Variants in IKZF5 observed in about 807,000 individuals in gnomAD.
The protein encoded by IKZF5 is IKAROS family zinc finger 5, also known as zinc finger protein Pegasus.
Under a neutral mutation model 30.7 loss-of-function variants are expected in IKZF5, and 4 were observed. The ratio of observed to expected loss-of-function variants is 0.13; its 90% CI spans 0.06 to 0.30. IKZF5 has a LOEUF of 0.30. IKZF5 is among the 10% of genes least tolerant of loss of function. IKZF5 has a pLI of 1.00. For synonymous variants in IKZF5, 148 were observed against 179.6 expected (o/e 0.82, Z 1.41); for missense variants, 348 against 525.5 (o/e 0.66, Z 3.30).
intron 3 of IKZF5, 50 bp from the exon 4 acceptor site, chr10:122,996,226 A>G (rs747605796): frequency 6.7e-6 from 10 of 1,496,706 alleles, no homozygotes; most frequent in African/African-American, 1.4e-5. Flanking sequence ...AATCAACTCA[A>G]TTTAGCATTT....
intron 2 of IKZF5, among the ~76,000 whole-genome samples, chr10:122,999,168 T>C (rs1167498112): frequency 6.6e-6 from 1 of 152,200 alleles, no homozygotes; most frequent in Non-Finnish European, 1.5e-5. Context: ...GACTCCAACC[T>C]GGTTGACAAA....
rs201605920 is a variant in IKZF5, at chr10:123,005,145, AT to A, written c.-47+1880del. Among the ~76,000 whole-genome samples the A allele has an allele frequency of 9.7e-3, 1,480 of 152,022 alleles. 18 individuals are homozygous for A. The highest frequency in any genetic ancestry group is 0.032 in the African/African-American group (1,307 of 41,474). ...CTCTAATTTTTAAAAGAAAAAAAAA[AT>A]TTCTGGAACTACAAAAGACTTCCTC... is the stretch of plus-strand genomic sequence containing the variant. On this transcript the variant is annotated intron_variant, in intron 2 of 4. Transcript: ENST00000368886.
In IKZF5 at chr10:122,994,602, G is replaced by A; in HGVS notation, c.438C>T (p.Arg146=). The change falls in exon 5 of 5, where the codon CGC becomes CGT. Residue 146 remains arginine, a synonymous_variant. Coordinates refer to ENST00000368886, the MANE Select transcript of IKZF5 (RefSeq NM_001372123.1). This position sits in a 1 kb window ranked among gnomAD's most constrained non-coding sequence, Gnocchi z 5.6. ...KPYKCELCSF[R]CSDRSNLSHH... is the part of the protein sequence containing the mutation. The stretch of plus-strand genomic sequence containing the variant: ...GGGACAAGTTACTTCGATCACTGCA[G>A]CGGAAGGAACATAATTCACATTTGT... The A allele has an allele frequency of 1.2e-6, 2 of 1,614,166 alleles. No homozygotes were observed. Among genetic ancestry groups the A allele is most frequent in the Non-Finnish European group, 1.7e-6 (2 of 1,180,036 alleles).
intron 2 of IKZF5, among the ~76,000 whole-genome samples, chr10:123,001,951 C>T (rs1272274094): frequency 6.6e-6 from 1 of 152,196 alleles, no homozygotes; most frequent in African/African-American, 2.4e-5. Flanking sequence ...TGGAAATAGA[C>T]CAACATTTGA....
chr10:123,001,548 A>T (rs73371593), intron 2 of IKZF5, among the ~76,000 whole-genome samples: 1 of 152,072 alleles, frequency 6.6e-6, no homozygotes, highest in African/African-American at 2.4e-5. Context: ...TTTTTTCCAA[A>T]GAGATATCCA....
chr10:122,998,395 T>C, intron 3 of IKZF5, 98 bp downstream of exon 3: 4 of 1,017,706 alleles, frequency 3.9e-6, no homozygotes, highest in Non-Finnish European at 4.2e-6. Flanking sequence ...AACAGAATGA[T>C]TCACATTAAT....
At chr10:123,001,014 C>CTTTTTTTTTT (rs1359372875) in intron 2 of IKZF5, among the ~76,000 whole-genome samples, 1 of 140,914 alleles carries the variant, frequency 7.1e-6, no homozygotes, top group Non-Finnish European at 1.5e-5. Flanking sequence ...CTTTTCTTTT[C>CTTTTTTTTTT]TTTTTTTTTT....
chr10:123,006,844 T>G (rs971987839), intron 2 of IKZF5, among the ~76,000 whole-genome samples, 182 bp downstream of exon 2: 1 of 152,198 alleles, frequency 6.6e-6, no homozygotes, highest in Non-Finnish European at 1.5e-5. Context: ...TTGGTTTCTA[T>G]GGAGTAACAT....
rs12776141 is a variant in IKZF5 at position 122,994,972 on chromosome 10, G to A, written c.317-249C>T. The A allele has an allele frequency of 0.078, 32,507 of 416,054 alleles. 1,500 individuals carry two copies. The highest frequency in any genetic ancestry group is 0.15 in the Middle Eastern group (237 of 1,610). 25.8% of individuals were successfully genotyped at this position (416,054 alleles called of 1,614,324 possible). A position where few individuals can be genotyped will look rare whatever the true frequency, so the allele number is the denominator to read the frequency against. ...TATTAGTCAATACAGTATAAAAACTGTTATGGCTTCGAATGCATTTAGAGA... is the reference window on the plus strand; with the variant it reads ...TATTAGTCAATACAGTATAAAAACTATTATGGCTTCGAATGCATTTAGAGA... On this transcript the variant is annotated intron_variant, in intron 4 of 4. Coordinates refer to ENST00000368886, the MANE Select transcript of IKZF5 (RefSeq NM_001372123.1). This position sits in a 1 kb window ranked among gnomAD's most constrained non-coding sequence, Gnocchi z 5.6.
Position 122,991,986 on chromosome 10 carries a change from C to T in IKZF5, c.*1794G>A, listed in dbSNP as rs1849177941. 1 of 152,148 alleles carries T rather than the reference C, an allele frequency of 6.6e-6. No individual in the cohort carries two copies. Among genetic ancestry groups the T allele is most frequent in the African/African-American group, 2.4e-5 (1 of 41,440 alleles). 9.4% of individuals were successfully genotyped at this position (152,148 alleles called of 1,614,324 possible). ...ACCACAAAAACTTCCAAATGACAAC[C>T]TGTTTCTTTCTGGCAACTGATAAAT... On this transcript the variant is annotated 3_prime_UTR_variant, in exon 5 of 5. Transcript: ENST00000368886.
intron 1 of IKZF5, among the ~76,000 whole-genome samples, chr10:123,007,899 T>C (rs767854321): frequency 2.0e-5 from 3 of 152,168 alleles, no homozygotes; most frequent in Non-Finnish European, 4.4e-5. Context: ...GATCACACAA[T>C]TTAAGACGCC....
intron 2 of IKZF5, among the ~76,000 whole-genome samples, chr10:122,999,084 C>T (rs1362815472): frequency 6.6e-6 from 1 of 152,180 alleles, no homozygotes; most frequent in Non-Finnish European, 1.5e-5. Context: ...GTCCCAGCTA[C>T]TCAGGAGGCT....
intron 1 of IKZF5, 96 bp downstream of exon 1, chr10:123,008,598 G>A: frequency 3.5e-6 from 1 of 288,436 alleles, no homozygotes; most frequent in Non-Finnish European, 7.0e-6. Flanking sequence ...GGATCAGCCG[G>A]CCCGCCACGA....
chr10:122,998,034 C>T (rs1849443127), intron 3 of IKZF5, among the ~76,000 whole-genome samples: 1 of 152,206 alleles, frequency 6.6e-6, no homozygotes, highest in Non-Finnish European at 1.5e-5. Context: ...CTAGCAGGCT[C>T]AAGGAGGTCA....
In IKZF5 at chr10:122,993,575, TCTAA is replaced by T. The variant is rs1295221110; in HGVS notation, c.*201_*204del. 2 of 410,600 alleles carry T rather than the reference TCTAA, an allele frequency of 4.9e-6. No homozygotes were observed. Among genetic ancestry groups the T allele is most frequent in the Non-Finnish European group, 8.6e-6 (2 of 232,838 alleles). The allele number at this position is 410,600 out of a possible 1,614,324, so 25.4% of individuals were successfully genotyped here. On this transcript the variant is annotated 3_prime_UTR_variant, in exon 5 of 5. Transcript: ENST00000368886. Reference sequence around the variant, plus strand: ...AAAGGAAAAAAGAGACACCAATGTGTCTAACTGTTCTAATATATAAATGACCCTG... The same window carrying T: ...AAAGGAAAAAAGAGACACCAATGTGTCTGTTCTAATATATAAATGACCCTG...
intron 2 of IKZF5, among the ~76,000 whole-genome samples, chr10:123,000,999 C>G (rs1037279674): frequency 1.3e-5 from 2 of 150,292 alleles, no homozygotes; most frequent in African/African-American, 4.9e-5. Flanking sequence ...TTTTCGTTTT[C>G]TCTTCTTTTC....
intron 2 of IKZF5, among the ~76,000 whole-genome samples, chr10:123,001,555 T>A (rs1849587100): frequency 6.6e-6 from 1 of 152,190 alleles, no homozygotes; most frequent in African/African-American, 2.4e-5. Flanking sequence ...CAAAGAGATA[T>A]CCAACTGTCC....
chr10:123,008,229 A>G (rs4511227), intron 1 of IKZF5, among the ~76,000 whole-genome samples: 112,173 of 152,092 alleles, frequency 0.74, 42,564 homozygotes, highest in Non-Finnish European at 0.84. Flanking sequence ...TTCTCCCAAC[A>G]ATCAGCCTGG....
rs978997089 is a variant in IKZF5 at position 122,998,685 on chromosome 10, A to G, written c.-46-14T>C. Reference sequence around the variant, plus strand: ...TAGAAAACAAAACTGAAACAATTTTACACTATTTAGGGAGATCTAGTACAT... The same window carrying G: ...TAGAAAACAAAACTGAAACAATTTTGCACTATTTAGGGAGATCTAGTACAT... On this transcript the variant is annotated splice_polypyrimidine_tract_variant and intron_variant, in intron 2 of 4. Transcript: ENST00000368886. 6.7e-7 allele frequency: 1 copy of G among 1,495,448 alleles called. No individual in the cohort carries two copies. The highest frequency in any genetic ancestry group is 9.2e-7 in the Non-Finnish European group (1 of 1,081,136). 92.6% of individuals were successfully genotyped at this position (1,495,448 alleles called of 1,614,324 possible). A position where few individuals can be genotyped will look rare whatever the true frequency, so the allele number is the denominator to read the frequency against.
Sources: gnomAD v4.1 joint callset for allele counts (sites outside exome capture counted in the v4.1 genomes callset) on GRCh38, gnomAD v4.1.1 for gene constraint, Gnocchi (gnomAD v3.1) non-coding constraint, MANE v1.5 for transcripts, NCBI Gene and HGNC (gene_info 2026-07-23, HGNC 2026-07-21) for gene names.